KCNJ16: variants seen among roughly 807,000 people sequenced by gnomAD.
KCNJ16 encodes inward rectifier potassium channel 16.
KCNJ16 carries 15 observed loss-of-function variants against 18.5 expected under a neutral mutation model. The observed-to-expected ratio is 0.81, with a 90% CI of 0.54 to 1.25. The LOEUF is 1.25. KCNJ16 is among the 50% of genes most tolerant of loss of function. KCNJ16 has a pLI of 0.00. For synonymous variants in KCNJ16, 174 were observed against 186.5 expected, an observed-to-expected ratio of 0.93 and a Z score of 0.55; for missense variants, 523 against 525.7, an observed-to-expected ratio of 0.99 and a Z score of 0.05.
intron 2 of KCNJ16, among the ~76,000 whole-genome samples, chr17:70,120,339 C>T (rs1160828019): frequency 6.6e-6 from 1 of 152,224 alleles, no homozygotes; most frequent in Non-Finnish European, 1.5e-5. Flanking sequence ...AACTCTTCCA[C>T]CCTCTGTCTG....
At chr17:70,107,871 G>A (rs575498361) in intron 2 of KCNJ16, among the ~76,000 whole-genome samples, 191 of 152,200 alleles carry the variant, frequency 1.3e-3, no homozygotes, top group African/African-American at 4.5e-3. Context: ...TGTTAAAAGA[G>A]AACTTCAGAG....
chr17:70,132,207 T>C lies in KCNJ16; in HGVS notation c.120T>C (p.Asp40=), dbSNP rs2074080267. ...RRARRRLLHK[D]GSCNVYFKHI... ...CAAGAAGACGATTACTTCACAAAGA[T>C]GGCAGCTGTAATGTCTACTTCAAGC... The change falls in exon 4 of 4, where the codon GAT becomes GAC. Residue 40 remains aspartate (D), a synonymous_variant. Coordinates refer to ENST00000392671, the MANE Select transcript of KCNJ16 (RefSeq NM_170741.4). The C allele has an allele frequency of 1.2e-6, 2 of 1,614,112 alleles. No homozygotes were observed. The highest frequency in any genetic ancestry group is 2.2e-5 in the South Asian group (2 of 91,088).
At chr17:70,075,615 T>C (rs1022922288) in intron 1 of KCNJ16, among the ~76,000 whole-genome samples, 2 of 152,196 alleles carry the variant, frequency 1.3e-5, no homozygotes, top group African/African-American at 2.4e-5. Flanking sequence ...TTAAAAGTAG[T>C]CTCACATTGG....
chr17:70,120,810 A>G (rs9897883), intron 2 of KCNJ16, among the ~76,000 whole-genome samples: 38,461 of 152,128 alleles, frequency 0.25, 6,448 homozygotes, highest in African/African-American at 0.48. Flanking sequence ...ACAACTCAAC[A>G]TGAGATTTGG....
chr17:70,127,345 C>T (rs2073889240), intron 2 of KCNJ16, among the ~76,000 whole-genome samples: 1 of 151,932 alleles, frequency 6.6e-6, no homozygotes, highest in Admixed American at 6.6e-5. Context: ...CTGGGTAAAG[C>T]AAGAGTTCAG....
At chr17:70,077,366 A>G (rs2071360485) in intron 1 of KCNJ16, among the ~76,000 whole-genome samples, 1 of 152,222 alleles carries the variant, frequency 6.6e-6, no homozygotes, top group African/African-American at 2.4e-5. Flanking sequence ...TGAACAAAAT[A>G]TAGATGTGAG....
At chr17:70,103,315 T>TACACAC (rs1472242886) in intron 2 of KCNJ16, among the ~76,000 whole-genome samples, 2,346 of 20,212 alleles carry the variant, frequency 0.12, 26 homozygotes, top group Middle Eastern at 0.23. Context: ...TATATATATA[T>TACACAC]ATATATACAC....
intron 2 of KCNJ16, among the ~76,000 whole-genome samples, chr17:70,125,863 T>C (rs1204201468): frequency 2.7e-5 from 4 of 148,684 alleles, no homozygotes; most frequent in Admixed American, 6.7e-5. Context: ...ACCCGGGAGG[T>C]AGAGGTTGCA....
rs767123702 is a variant in KCNJ16 at position 70,133,211 on chromosome 17, G to A, written c.1124G>A (p.Ser375Asn). The A allele has an allele frequency of 1.6e-5, 26 of 1,614,072 alleles. No individual in the cohort carries two copies. Among genetic ancestry groups the A allele is most frequent in the Non-Finnish European group, 2.2e-5 (26 of 1,180,050 alleles). Reference protein sequence around the residue: ...SDTKARRRSFSAVAIVSSCEN... With the variant: ...SDTKARRRSFNAVAIVSSCEN... Reference sequence around the variant, plus strand: ...ACCAAGGCGAGACGAAGGTCATTTAGTGCAGTTGCCATTGTCAGCAGCTGT... The same window carrying A: ...ACCAAGGCGAGACGAAGGTCATTTAATGCAGTTGCCATTGTCAGCAGCTGT... The change falls in exon 4 of 4, where the codon AGT becomes AAT. Residue 375 changes from serine (S) to asparagine (N), a missense_variant. Ser to Asn is a conservative substitution (Grantham distance 46, BLOSUM62 1). Coordinates refer to ENST00000392671, the MANE Select transcript of KCNJ16 (RefSeq NM_170741.4).
Position 70,111,785 on chromosome 17 carries a change from C to G in KCNJ16, c.-191+11019C>G, listed in dbSNP as rs148846863. On this transcript the variant is annotated intron_variant, in intron 2 of 3. Coordinates refer to ENST00000392671, the MANE Select transcript of KCNJ16 (RefSeq NM_170741.4). ...AGCTGATGGTTTTATAAGGGGAAACCCCTTTTGCTTGGCTCTCATTCTCTC... is the reference window on the plus strand; with the variant it reads ...AGCTGATGGTTTTATAAGGGGAAACGCCTTTTGCTTGGCTCTCATTCTCTC... Among the ~76,000 whole-genome samples the G allele has an allele frequency of 9.7e-3, 1,478 of 151,988 alleles. 23 individuals carry two copies. Among genetic ancestry groups the G allele is most frequent in the African/African-American group, 0.032 (1,335 of 41,450 alleles).
intron 2 of KCNJ16, among the ~76,000 whole-genome samples, chr17:70,127,399 G>A (rs999840155): frequency 6.6e-6 from 1 of 151,778 alleles, no homozygotes; most frequent in African/African-American, 2.4e-5. Flanking sequence ...GAATGTCTTA[G>A]GAGGATTCCA....
intron 2 of KCNJ16, among the ~76,000 whole-genome samples, chr17:70,103,666 A>G (rs1382824290): frequency 2.0e-5 from 3 of 151,884 alleles, no homozygotes; most frequent in Non-Finnish European, 2.9e-5. Context: ...TGTTTCATCC[A>G]TGTTCATGGT....
chr17:70,107,738 A>G (rs1598140333), intron 2 of KCNJ16, among the ~76,000 whole-genome samples: 1 of 152,168 alleles, frequency 6.6e-6, no homozygotes, highest in Non-Finnish European at 1.5e-5. Flanking sequence ...GAGAAGATGA[A>G]GTCTGACACT....
At chr17:70,092,739 T>G (rs1030823052) in intron 1 of KCNJ16, among the ~76,000 whole-genome samples, 1 of 152,126 alleles carries the variant, frequency 6.6e-6, no homozygotes, top group Non-Finnish European at 1.5e-5. Flanking sequence ...TCTGAGAATT[T>G]TGGAAGCCAA....
intron 2 of KCNJ16, among the ~76,000 whole-genome samples, chr17:70,106,606 G>A (rs2072939685): frequency 6.6e-6 from 1 of 152,154 alleles, no homozygotes; most frequent in Non-Finnish European, 1.5e-5. Flanking sequence ...AGGAAGATGG[G>A]ATACAGTTGC....
intron 2 of KCNJ16, among the ~76,000 whole-genome samples, chr17:70,119,652 G>C (rs1038735805): frequency 6.6e-6 from 1 of 152,216 alleles, no homozygotes; most frequent in Non-Finnish European, 1.5e-5. Flanking sequence ...GGCTGGAGCT[G>C]GAGTGACCTG....
chr17:70,112,826 T>C (rs1347201129), intron 2 of KCNJ16, among the ~76,000 whole-genome samples: 1 of 152,176 alleles, frequency 6.6e-6, no homozygotes, highest in Non-Finnish European at 1.5e-5. Context: ...GAAATCTTTC[T>C]CCATGTAGCC....
At chr17:70,099,261 T>A (rs764202719) in intron 1 of KCNJ16, among the ~76,000 whole-genome samples, 10 of 152,102 alleles carry the variant, frequency 6.6e-5, no homozygotes, top group Non-Finnish European at 1.2e-4. Flanking sequence ...GAAAATAATA[T>A]AATGGAGATT....
At chr17:70,082,665 C>T (rs1193421164) in intron 1 of KCNJ16, among the ~76,000 whole-genome samples, 1 of 152,106 alleles carries the variant, frequency 6.6e-6, no homozygotes, top group Non-Finnish European at 1.5e-5. Context: ...TTGCCCATTC[C>T]CTGTGCTTTA....
Sources: gnomAD v4.1 joint callset for allele counts (sites outside exome capture counted in the v4.1 genomes callset) on GRCh38, gnomAD v4.1.1 for gene constraint, MANE v1.5 for transcripts, NCBI Gene and HGNC (gene_info 2026-07-23, HGNC 2026-07-21) for gene names.